The following SLMAP variants were observed in gnomAD, a reference collection of about 807,000 sequenced individuals.
The protein encoded by SLMAP is sarcolemmal membrane-associated protein.
A neutral mutation model predicts 128.8 loss-of-function variants in SLMAP; 44 were observed. The observed-to-expected ratio is 0.34, with a 90% CI of 0.27 to 0.44. The LOEUF (loss-of-function observed/expected upper bound fraction) is 0.44. Ranked by LOEUF, SLMAP falls within the 20% of genes least tolerant of loss-of-function variation. The pLI is 1.00. For synonymous variants in SLMAP, 327 were observed against 348.8 expected, an observed-to-expected ratio of 0.94 and a Z score of 0.70; for missense variants, 787 against 985.3, an observed-to-expected ratio of 0.80 and a Z score of 2.69.
At chr3:57,858,740 C>A (rs150767912) in intron 8 of SLMAP, among the ~76,000 whole-genome samples, 1 of 152,212 alleles carries the variant, frequency 6.6e-6, no homozygotes, top group African/African-American at 2.4e-5. Flanking sequence ...CTCGAGAGTT[C>A]AAGACCAGTC....
chr3:57,870,775 C>T (rs1408373053), intron 13 of SLMAP, among the ~76,000 whole-genome samples: 1 of 152,182 alleles, frequency 6.6e-6, no homozygotes, highest in Non-Finnish European at 1.5e-5. Context: ...TGCTTTCACA[C>T]TTTCCAAGTA....
intron 2 of SLMAP, among the ~76,000 whole-genome samples, chr3:57,797,217 G>A (rs1346275863): frequency 6.6e-6 from 1 of 151,162 alleles, no homozygotes; most frequent in Non-Finnish European, 1.5e-5. Flanking sequence ...AGGTGTGGTG[G>A]CTCACGCCTG....
At chr3:57,823,488 T>A (rs1473542034) in intron 2 of SLMAP, among the ~76,000 whole-genome samples, 1 of 152,142 alleles carries the variant, frequency 6.6e-6, no homozygotes, top group Non-Finnish European at 1.5e-5. Context: ...TTTGTCCTTG[T>A]GATAGTTTGC....
intron 14 of SLMAP, among the ~76,000 whole-genome samples, chr3:57,880,332 G>T (rs973454685): frequency 6.6e-6 from 1 of 151,998 alleles, no homozygotes; most frequent in Non-Finnish European, 1.5e-5. Context: ...CTCCTGAGTA[G>T]CTGGGATTAC....
At chr3:57,906,478 G>A (rs2096567657) in intron 17 of SLMAP, among the ~76,000 whole-genome samples, 1 of 148,518 alleles carries the variant, frequency 6.7e-6, no homozygotes, top group Admixed American at 6.8e-5. Flanking sequence ...ACCACGCCCA[G>A]CTAATTTTTA....
At position 57,790,281 on chromosome 3, in the gene SLMAP, A is replaced by G. The variant is rs576852421; in HGVS notation, c.198+32432A>G. ...TATACATTCAGCTCTTACTATGTCC[A>G]AAGCATATGAATGAGAGGCTAAGGA... On this transcript the variant is annotated intron_variant, in intron 2 of 24. Transcript: ENST00000671191. Among the ~76,000 whole-genome samples, 46 of 152,346 alleles carry G rather than the reference A, an allele frequency of 3.0e-4. No homozygotes were observed. The South Asian group carries it at 6.6e-3, about 22-fold the overall frequency.
In SLMAP at chr3:57,855,729, A is replaced by AAC. The variant is rs1553883637; in HGVS notation, c.520-2003_520-2002insCA. On this transcript the variant is annotated intron_variant, in intron 6 of 24. Transcript: ENST00000671191. ...CATCTGTTAAAAAAAAAAAAAACAA[A>AAC]AAAAAAAACTTTAAATAAAAATATT... Among the ~76,000 whole-genome samples the AAC allele has an allele frequency of 5.1e-4, 76 of 150,228 alleles. 1 individual carries two copies. The highest frequency in any genetic ancestry group is 1.7e-3 in the African/African-American group (71 of 40,588).
At chr3:57,838,133 C>G (rs2093727310) in intron 3 of SLMAP, among the ~76,000 whole-genome samples, 3 of 152,154 alleles carry the variant, frequency 2.0e-5, no homozygotes, top group Admixed American at 1.3e-4. Flanking sequence ...TAGTTTTATT[C>G]TATAACTTGT....
chr3:57,769,458 G>A (rs987006173), intron 2 of SLMAP, among the ~76,000 whole-genome samples: 1 of 152,026 alleles, frequency 6.6e-6, no homozygotes, highest in Admixed American at 6.6e-5. Context: ...CTCCCAAAGT[G>A]CTGGGATTAC....
At chr3:57,764,519 A>AAAAG (rs991602122) in intron 2 of SLMAP, among the ~76,000 whole-genome samples, 1 of 150,662 alleles carries the variant, frequency 6.6e-6, no homozygotes, top group Non-Finnish European at 1.5e-5. Context: ...AAAAGAAAAG[A>AAAAG]AAAGAAAGAA....
chr3:57,917,017 A>G lies in SLMAP; in HGVS notation c.2250A>G (p.Ser750=), dbSNP rs2096826667. 6.2e-7 allele frequency: 1 copy of G among 1,613,888 alleles called. No individual in the cohort carries two copies. Among genetic ancestry groups the G allele is most frequent in the East Asian group, 2.2e-5 (1 of 44,826 alleles). Residue 750 remains serine, a synonymous_variant, in exon 22 of 25, where the codon TCA becomes TCG. Coordinates refer to ENST00000671191, the MANE Select transcript of SLMAP (RefSeq NM_001377540.1). ...GSLKEQHLRD[S]ADLKTLLSKA... is the part of the protein sequence containing the mutation. ...TGAAAGAACAGCATCTTCGGGATTC[A>G]GCTGATTTAAAAACTCTTCTCAGTA...
intron 4 of SLMAP, 65 bp from the exon 5 acceptor site, chr3:57,847,132 G>C (rs2094293777): frequency 2.0e-6 from 2 of 978,228 alleles, no homozygotes; most frequent in Non-Finnish European, 3.2e-6. Context: ...ATATTCTGGT[G>C]CTCTCATACT....
At chr3:57,883,485 AG>A (rs1165897911) in intron 14 of SLMAP, among the ~76,000 whole-genome samples, 1 of 152,226 alleles carries the variant, frequency 6.6e-6, no homozygotes, top group African/African-American at 2.4e-5. Context: ...AGGCAATAAA[AG>A]CCTAAGAAGG....
chr3:57,786,248 A>C (rs2084066191), intron 2 of SLMAP, among the ~76,000 whole-genome samples: 1 of 152,178 alleles, frequency 6.6e-6, no homozygotes, highest in African/African-American at 2.4e-5. Flanking sequence ...AGCTCTGTCC[A>C]TAGTTGTTCT....
chr3:57,838,989 G>T (rs538633751), intron 3 of SLMAP, among the ~76,000 whole-genome samples: 4 of 152,048 alleles, frequency 2.6e-5, no homozygotes, highest in Non-Finnish European at 5.9e-5. Flanking sequence ...TTGAGACAGG[G>T]TCTTGCCCAG....
intron 2 of SLMAP, among the ~76,000 whole-genome samples, chr3:57,808,769 A>G (rs1301991254): frequency 1.3e-5 from 2 of 152,232 alleles, no homozygotes; most frequent in Non-Finnish European, 2.9e-5. Flanking sequence ...GAAGTCTATT[A>G]GGTCCACTTG....
At chr3:57,877,038 CTT>C (rs764650102) in intron 14 of SLMAP, among the ~76,000 whole-genome samples, 2 of 146,160 alleles carry the variant, frequency 1.4e-5, no homozygotes, top group African/African-American at 5.0e-5. Flanking sequence ...CCTTTGTATT[CTT>C]TTTTTTTTTT....
intron 21 of SLMAP, among the ~76,000 whole-genome samples, chr3:57,913,908 C>T (rs1250842053): frequency 1.3e-5 from 2 of 151,564 alleles, no homozygotes; most frequent in East Asian, 1.9e-4. Context: ...CAGTGAGCCA[C>T]GATCATGCCA....
chr3:57,782,236 A>C (rs756644587), intron 2 of SLMAP, among the ~76,000 whole-genome samples: 1 of 152,150 alleles, frequency 6.6e-6, no homozygotes, highest in African/African-American at 2.4e-5. Context: ...AAATTCCCCA[A>C]ATCTTTCCAG....
Sources: allele counts gnomAD v4.1 joint callset (sites outside exome capture counted in the v4.1 genomes callset), GRCh38; gene constraint gnomAD v4.1.1; transcripts MANE v1.5; gene names NCBI Gene and HGNC (gene_info 2026-07-23, HGNC 2026-07-21).